Variants in CTNNA2 observed in about 807,000 individuals in gnomAD.
The protein encoded by CTNNA2 is catenin alpha 2.
CTNNA2 carries 42 observed loss-of-function variants against 101.0 expected under a neutral mutation model. The observed-to-expected ratio is 0.42, with a 90% CI of 0.32 to 0.54. The LOEUF (loss-of-function observed/expected upper bound fraction) is 0.54. Among genes scored for constraint, CTNNA2 ranks in the 20% least tolerant of loss-of-function variants. CTNNA2 has a pLI of 0.14. For missense variants in CTNNA2, 871 were observed against 1,223.1 expected (o/e 0.71, Z 4.29); for synonymous variants, 450 against 456.4 (o/e 0.99, Z 0.18).
intron 1 of CTNNA2, among the ~76,000 whole-genome samples, chr2:79,538,346 A>G (rs1041803327): frequency 1.3e-5 from 2 of 151,680 alleles, no homozygotes; most frequent in Admixed American, 6.5e-5. Flanking sequence ...TAAAGCTGTT[A>G]TGATTTTTTT....
intron 7 of CTNNA2, among the ~76,000 whole-genome samples, chr2:80,296,967 C>A (rs1319508926): frequency 6.6e-6 from 1 of 152,160 alleles, no homozygotes; most frequent in Non-Finnish European, 1.5e-5. Flanking sequence ...AAATCCCTGA[C>A]AATAACATAT....
At chr2:79,488,576 T>G (rs1030270517) in intron 4 of CTNNA2, among the ~76,000 whole-genome samples, 2 of 152,138 alleles carry the variant, frequency 1.3e-5, no homozygotes, top group Admixed American at 1.3e-4. Flanking sequence ...TTCAAGGCTG[T>G]TAGGCTGGTA....
chr2:80,388,438 C>T (rs1176161182), intron 7 of CTNNA2, among the ~76,000 whole-genome samples: 4 of 152,226 alleles, frequency 2.6e-5, no homozygotes, highest in Admixed American at 2.6e-4. Context: ...AAAACTTCAA[C>T]TGCCTGTCAA....
In CTNNA2 at chr2:80,228,584, C is replaced by A. The variant is rs902538308; in HGVS notation, c.1057-164627C>A. Among the ~76,000 whole-genome samples the A allele has an allele frequency of 4.6e-5, 7 of 152,294 alleles. No homozygotes were observed. The East Asian group carries it at 1.4e-3, about 29-fold the overall frequency. On this transcript the variant is annotated intron_variant, in intron 7 of 18. Transcript: ENST00000402739. ...TAATACCCTATTTTTACTGTCCCCTCTCCTTTAACTTCCCTTTGAGGTGTT... is the reference window on the plus strand; with the variant it reads ...TAATACCCTATTTTTACTGTCCCCTATCCTTTAACTTCCCTTTGAGGTGTT...
chr2:80,142,024 A>T (rs1451559220), intron 7 of CTNNA2, among the ~76,000 whole-genome samples: 1 of 152,002 alleles, frequency 6.6e-6, no homozygotes. Context: ...CTTTGTTCTG[A>T]ATTTCTTCCT....
At chr2:79,335,043 G>A (rs1043070633) in intron 3 of CTNNA2, among the ~76,000 whole-genome samples, 1 of 152,066 alleles carries the variant, frequency 6.6e-6, no homozygotes, top group Non-Finnish European at 1.5e-5. Context: ...GGAATTAATG[G>A]TATGCTGCAA....
At chr2:79,188,817 C>T (rs913684423) in intron 1 of CTNNA2, among the ~76,000 whole-genome samples, 1 of 152,172 alleles carries the variant, frequency 6.6e-6, no homozygotes, top group African/African-American at 2.4e-5. Flanking sequence ...TTTATGCTTG[C>T]TCAAAGAGAG....
intron 1 of CTNNA2, among the ~76,000 whole-genome samples, chr2:79,632,858 C>T (rs188117022): frequency 6.6e-5 from 10 of 152,292 alleles, no homozygotes; most frequent in African/African-American, 2.2e-4. Context: ...ATAAATATTT[C>T]ATATGTGTGG....
At chr2:79,214,958 T>C (rs12463536) in intron 2 of CTNNA2, among the ~76,000 whole-genome samples, 120,410 of 151,538 alleles carry the variant, frequency 0.79, 48,500 homozygotes, top group East Asian at 0.95. Flanking sequence ...TAATGTGGAG[T>C]GGGTAGCCTC....
intron 7 of CTNNA2, among the ~76,000 whole-genome samples, chr2:80,184,221 T>C (rs1705970175): frequency 6.6e-6 from 1 of 152,148 alleles, no homozygotes; most frequent in South Asian, 2.1e-4. Context: ...TCATTTGTAT[T>C]TGTACATTCT....
chr2:79,406,533 G>GTA (rs1558659423), intron 4 of CTNNA2, among the ~76,000 whole-genome samples: 1 of 151,876 alleles, frequency 6.6e-6, no homozygotes, highest in Non-Finnish European at 1.5e-5. Context: ...ATCTCCTCAA[G>GTA]GGCATCCTAC....
At chr2:79,486,220 C>T (rs1671155936) in intron 4 of CTNNA2, among the ~76,000 whole-genome samples, 1 of 143,548 alleles carries the variant, frequency 7.0e-6, no homozygotes, top group Non-Finnish European at 1.5e-5. Flanking sequence ...GCTATCCCTC[C>T]CCCCTTCCCC....
chr2:79,334,485 G>A (rs528204106), intron 3 of CTNNA2, among the ~76,000 whole-genome samples: 5 of 152,192 alleles, frequency 3.3e-5, no homozygotes, highest in African/African-American at 1.2e-4. Flanking sequence ...ATTTAGACTA[G>A]GAGCATCCTG....
chr2:80,096,001 C>A (rs960539345), intron 7 of CTNNA2, among the ~76,000 whole-genome samples: 11 of 152,006 alleles, frequency 7.2e-5, no homozygotes, highest in African/African-American at 2.7e-4. Flanking sequence ...GTCTCTATTT[C>A]CTTCAGTTCT....
intron 7 of CTNNA2, among the ~76,000 whole-genome samples, chr2:80,177,360 A>G (rs1244561514): frequency 4.6e-5 from 7 of 152,190 alleles, no homozygotes; most frequent in African/African-American, 1.7e-4. Flanking sequence ...TGCCCTTTCC[A>G]TGATGGAAGA....
chr2:79,502,731 T>C (rs1024155075), intron 4 of CTNNA2, among the ~76,000 whole-genome samples: 9 of 152,158 alleles, frequency 5.9e-5, no homozygotes, highest in African/African-American at 2.2e-4. Context: ...GGGGATGATA[T>C]TGGAAAACAC....
intron 3 of CTNNA2, among the ~76,000 whole-genome samples, chr2:79,360,684 C>T (rs185114830): frequency 9.9e-5 from 15 of 152,182 alleles, no homozygotes; most frequent in Admixed American, 9.8e-4. Context: ...AGGGAAAACA[C>T]AAAAAGTCAA....
intron 4 of CTNNA2, among the ~76,000 whole-genome samples, chr2:79,464,602 A>G (rs1670914271): frequency 6.6e-6 from 1 of 152,160 alleles, no homozygotes; most frequent in African/African-American, 2.4e-5. Context: ...TCCCACCAAC[A>G]GTGTAAAAGT....
chr2:80,077,531 T>G (rs1385505927), intron 7 of CTNNA2, among the ~76,000 whole-genome samples: 1 of 151,670 alleles, frequency 6.6e-6, no homozygotes, highest in African/African-American at 2.4e-5. Context: ...GGAAGACTGC[T>G]TGAGCCCAGG....
Sources: gnomAD v4.1 joint callset for allele counts (sites outside exome capture counted in the v4.1 genomes callset) on GRCh38, gnomAD v4.1.1 for gene constraint, MANE v1.5 for transcripts, NCBI Gene and HGNC (gene_info 2026-07-23, HGNC 2026-07-21) for gene names.